The following MBD5 variants were observed in gnomAD, a reference collection of about 807,000 sequenced individuals.
The protein encoded by MBD5 is methyl-CpG-binding domain protein 5.
In MBD5, 13 loss-of-function variants were observed where a neutral mutation model predicts 117.3. The ratio of observed to expected loss-of-function variants is 0.11; its 90% CI spans 0.07 to 0.18. The LOEUF is 0.18. Among genes scored for constraint, MBD5 ranks in the 10% least tolerant of loss-of-function variants. MBD5 has a pLI of 1.00. For missense variants in MBD5, 1,879 were observed against 2,093.8 expected (o/e 0.90, Z 2.00); for synonymous variants, 727 against 766.4 (o/e 0.95, Z 0.85).
chr2:148,339,479 A>G (rs1702883965), intron 3 of MBD5, among the ~76,000 whole-genome samples: 1 of 152,108 alleles, frequency 6.6e-6, no homozygotes, highest in Admixed American at 6.6e-5. Context: ...TTCTGTATAA[A>G]TAAGCAAGAA....
chr2:148,237,176 C>G (rs1700108885), intron 3 of MBD5, among the ~76,000 whole-genome samples: 1 of 152,198 alleles, frequency 6.6e-6, no homozygotes, highest in African/African-American at 2.4e-5. Context: ...TCTGTATCAG[C>G]AACAAGGCTG....
At chr2:148,042,737 A>G (rs1694398978) in intron 1 of MBD5, among the ~76,000 whole-genome samples, 1 of 152,174 alleles carries the variant, frequency 6.6e-6, no homozygotes, top group African/African-American at 2.4e-5. Flanking sequence ...TTCCTTACTC[A>G]CATTTGGTAA....
intron 4 of MBD5, among the ~76,000 whole-genome samples, chr2:148,376,877 T>TTA (rs1419934501): frequency 7.1e-6 from 1 of 141,238 alleles, no homozygotes. Flanking sequence ...TAATTATATA[T>TTA]TATATATAAT....
intron 3 of MBD5, among the ~76,000 whole-genome samples, chr2:148,253,871 A>G (rs950323330): frequency 6.6e-6 from 1 of 152,200 alleles, no homozygotes; most frequent in Admixed American, 6.5e-5. Flanking sequence ...CTCACGTGAC[A>G]TGGTTACATA....
chr2:148,308,429 A>G (rs1701946427), intron 3 of MBD5, among the ~76,000 whole-genome samples: 2 of 149,730 alleles, frequency 1.3e-5, no homozygotes, highest in Admixed American at 1.3e-4. Context: ...TTGACCTCAT[A>G]AATGTCTTCT....
chr2:148,090,931 C>A (rs1359574711), intron 1 of MBD5, among the ~76,000 whole-genome samples: 1 of 152,072 alleles, frequency 6.6e-6, no homozygotes, highest in East Asian at 1.9e-4. Flanking sequence ...CTAGAAAACT[C>A]TAAAGATTTT....
intron 1 of MBD5, among the ~76,000 whole-genome samples, chr2:148,037,231 G>A (rs1321057797): frequency 4.0e-5 from 6 of 151,826 alleles, no homozygotes; most frequent in Non-Finnish European, 8.8e-5. Context: ...AAATAACCAA[G>A]TATTGACTGG....
chr2:148,381,151 C>T lies in MBD5; in HGVS notation c.-557+38815C>T, dbSNP rs181333734. Among the ~76,000 whole-genome samples, 150 of 152,166 alleles carry T rather than the reference C, an allele frequency of 9.9e-4. 1 individual carries two copies. The highest frequency in any genetic ancestry group is 3.3e-3 in the African/African-American group (139 of 41,540). On this transcript the variant is annotated intron_variant, in intron 4 of 13. Transcript: ENST00000642680. Reference sequence around the variant, plus strand: ...TTGACAAATTGAGAGAGGAAGGCTTCAGAAGATCAAACTACTCTGAGCTAA... The same window carrying T: ...TTGACAAATTGAGAGAGGAAGGCTTTAGAAGATCAAACTACTCTGAGCTAA...
At chr2:148,504,856 G>A (rs1407977416) in intron 12 of MBD5, among the ~76,000 whole-genome samples, 1 of 152,086 alleles carries the variant, frequency 6.6e-6, no homozygotes, top group African/African-American at 2.4e-5. Context: ...AGGTATAAGC[G>A]GGAACCAGAT....
intron 4 of MBD5, among the ~76,000 whole-genome samples, chr2:148,351,178 T>A (rs1431144689): frequency 6.6e-6 from 1 of 152,028 alleles, no homozygotes; most frequent in Non-Finnish European, 1.5e-5. Context: ...TTTTTACAAT[T>A]TGGGGTTGTG....
chr2:148,064,773 C>T (rs1321815518), intron 1 of MBD5, among the ~76,000 whole-genome samples: 1 of 152,128 alleles, frequency 6.6e-6, no homozygotes, highest in African/African-American at 2.4e-5. Context: ...TCTTCCCCTT[C>T]ATTGTTTCTT....
chr2:148,421,069 G>A (rs981137846), intron 4 of MBD5, among the ~76,000 whole-genome samples: 3 of 152,164 alleles, frequency 2.0e-5, no homozygotes, highest in South Asian at 2.1e-4. Context: ...TTTGAATTCT[G>A]TCACAAATTT....
intron 3 of MBD5, among the ~76,000 whole-genome samples, chr2:148,305,073 A>AAAAT (rs1701861520): frequency 2.0e-5 from 3 of 151,922 alleles, no homozygotes; most frequent in African/African-American, 7.3e-5. Context: ...TCAAAAAAAA[A>AAAAT]AAAATAAAAT....
intron 11 of MBD5, among the ~76,000 whole-genome samples, chr2:148,497,110 T>A (rs1681725677): frequency 6.6e-6 from 1 of 151,916 alleles, no homozygotes; most frequent in Non-Finnish European, 1.5e-5. Context: ...ATGAACCTAA[T>A]AAATGCCTCA....
chr2:148,055,435 T>C (rs12991369), intron 1 of MBD5: 1 of 150,324 alleles, frequency 6.7e-6, no homozygotes, highest in African/African-American at 2.5e-5. Flanking sequence ...TTTTTTTTCT[T>C]TTTTTATTTT....
chr2:148,139,683 A>T (rs1310925930), intron 1 of MBD5, among the ~76,000 whole-genome samples: 3 of 152,132 alleles, frequency 2.0e-5, no homozygotes, highest in African/African-American at 7.2e-5. Context: ...AGAACCTATC[A>T]TTCTTGTACC....
intron 1 of MBD5, among the ~76,000 whole-genome samples, chr2:148,058,408 A>G (rs1694931795): frequency 6.6e-6 from 1 of 151,870 alleles, no homozygotes; most frequent in South Asian, 2.1e-4. Context: ...TTTTTTTTCT[A>G]TCGGTCTTTT....
intron 5 of MBD5, among the ~76,000 whole-genome samples, chr2:148,459,585 A>G (rs938869661): frequency 3.9e-5 from 6 of 152,174 alleles, no homozygotes; most frequent in Admixed American, 3.3e-4. Context: ...GATACCATAA[A>G]TCTTTCTTGT....
chr2:148,409,978 T>A (rs934257518), intron 4 of MBD5, among the ~76,000 whole-genome samples: 4 of 152,198 alleles, frequency 2.6e-5, no homozygotes, highest in Admixed American at 6.5e-5. Context: ...TTGTATTTTT[T>A]ACTCTAATGT....
Sources: allele counts gnomAD v4.1 joint callset (sites outside exome capture counted in the v4.1 genomes callset), GRCh38; gene constraint gnomAD v4.1.1; transcripts MANE v1.5; gene names NCBI Gene and HGNC (gene_info 2026-07-23, HGNC 2026-07-21).